CEP128: variants seen among roughly 807,000 people sequenced by gnomAD.
CEP128 encodes the protein centrosomal protein 128.
CEP128 carries 132 observed loss-of-function variants against 156.7 expected under a neutral mutation model. The observed-to-expected ratio is 0.84, with a 90% CI of 0.73 to 0.97. CEP128 has a LOEUF of 0.97. Ranked by LOEUF, CEP128 falls within the 50% of genes least tolerant of loss-of-function variation. The pLI is 0.00. For synonymous variants in CEP128, 469 were observed against 448.9 expected, an observed-to-expected ratio of 1.04 and a Z score of -0.57; for missense variants, 1,252 against 1,281.9, an observed-to-expected ratio of 0.98 and a Z score of 0.36.
At chr14:80,822,906 T>C (rs1885267320) in intron 13 of CEP128, 4 of 528,918 alleles carry the variant, frequency 7.6e-6, no homozygotes, top group Non-Finnish European at 1.4e-5. Context: ...TTTTAAGCTA[T>C]GTTGTTAGCA....
chr14:80,947,152 T>C (rs1381394560), intron 2 of CEP128, among the ~76,000 whole-genome samples: 1 of 152,188 alleles, frequency 6.6e-6, no homozygotes, highest in Admixed American at 6.5e-5. Flanking sequence ...CTCAGGTGGT[T>C]CTTTATAGCA....
At chr14:80,740,200 A>ATT (rs1898739117) in intron 19 of CEP128, among the ~76,000 whole-genome samples, 1 of 151,904 alleles carries the variant, frequency 6.6e-6, no homozygotes, top group South Asian at 2.1e-4. Flanking sequence ...TTCAACAAAT[A>ATT]TTTCACACGT....
At chr14:80,549,098 T>A in intron 21 of CEP128, among the ~76,000 whole-genome samples, 1 of 152,118 alleles carries the variant, frequency 6.6e-6, no homozygotes, top group East Asian at 1.9e-4. Flanking sequence ...AATACTAACA[T>A]AGAATACAGG....
chr14:80,502,388 G>A (rs1481014772), intron 24 of CEP128, among the ~76,000 whole-genome samples: 1 of 152,162 alleles, frequency 6.6e-6, no homozygotes, highest in African/African-American at 2.4e-5. Flanking sequence ...TGTTTGTTGG[G>A]TGGGCCTGGC....
chr14:80,569,521 C>T (rs1021329581), intron 20 of CEP128, among the ~76,000 whole-genome samples: 5 of 152,160 alleles, frequency 3.3e-5, no homozygotes, highest in Admixed American at 1.3e-4. Context: ...AATGCTGATA[C>T]AGTGTGGTTG....
intron 23 of CEP128, 156 bp downstream of exon 23, chr14:80,526,713 T>G (rs1006459734): frequency 2.1e-6 from 1 of 482,052 alleles, no homozygotes; most frequent in Non-Finnish European, 3.7e-6. Context: ...ATTTTTATTC[T>G]CCATTTCCAC....
intron 19 of CEP128, among the ~76,000 whole-genome samples, chr14:80,615,460 C>T (rs754577859): frequency 2.6e-5 from 4 of 152,072 alleles, no homozygotes; most frequent in African/African-American, 9.7e-5. Flanking sequence ...AGTGAACATG[C>T]GAAAAGGATT....
intron 2 of CEP128, among the ~76,000 whole-genome samples, chr14:80,922,809 CTGCTAAATTTGAAGAAT>C (rs1481301915): frequency 6.6e-6 from 1 of 152,166 alleles, no homozygotes; most frequent in African/African-American, 2.4e-5. Flanking sequence ...AAAGGAAGAA[CTGCTAAATTTGAAGAAT>C]GACCAAACTC....
At chr14:80,828,998 A>C (rs1235999005) in intron 13 of CEP128, among the ~76,000 whole-genome samples, 1 of 152,210 alleles carries the variant, frequency 6.6e-6, no homozygotes, top group African/African-American at 2.4e-5. Flanking sequence ...CAATTGTTAG[A>C]GGTTACAATC....
chr14:80,572,928 T>C (rs937414862), intron 20 of CEP128, among the ~76,000 whole-genome samples: 1 of 152,130 alleles, frequency 6.6e-6, no homozygotes, highest in Non-Finnish European at 1.5e-5. Context: ...CACTGTTTTT[T>C]GTTTTTTGTT....
At chr14:80,626,283 T>C (rs1169420829) in intron 19 of CEP128, among the ~76,000 whole-genome samples, 1 of 148,940 alleles carries the variant, frequency 6.7e-6, no homozygotes, top group African/African-American at 2.5e-5. Context: ...GCTAACAAGG[T>C]GAAACCCCGT....
intron 19 of CEP128, among the ~76,000 whole-genome samples, chr14:80,737,132 G>A (rs895397725): frequency 4.6e-5 from 7 of 152,200 alleles, no homozygotes; most frequent in Non-Finnish European, 8.8e-5. Flanking sequence ...TAGGCTGGGT[G>A]CAGTGGCTCA....
In CEP128 at chr14:80,674,072, G is replaced by GTT. The variant is rs140431428; in HGVS notation, c.2806+69001_2806+69002dup. ...AGAGTTTCTTGCATAATAATTCATA[G>GTT]TTTTTTTTTTTCATTTGGGAAAATG... On this transcript the variant is annotated intron_variant, in intron 19 of 24. Transcript: ENST00000555265. Among the ~76,000 whole-genome samples, 654 of 148,346 alleles carry GTT rather than the reference G, an allele frequency of 4.4e-3. 2 individuals are homozygous for GTT. The highest frequency in any genetic ancestry group is 0.014 in the African/African-American group (576 of 40,604).
chr14:80,761,639 A>G, intron 16 of CEP128, 26 bp from the exon 17 acceptor site: 2 of 1,542,998 alleles, frequency 1.3e-6, no homozygotes, highest in Non-Finnish European at 1.8e-6. Flanking sequence ...AAATTAAACA[A>G]GGTGATTACT....
At chr14:80,480,850 A>G (rs926213750) in intron 14 of CEP128, among the ~76,000 whole-genome samples, 1 of 152,170 alleles carries the variant, frequency 6.6e-6, no homozygotes. Context: ...TTGCTGAAAC[A>G]TAACAAGCGT....
chr14:80,484,230 G>A (rs140629029), intron 14 of CEP128, among the ~76,000 whole-genome samples: 346 of 152,188 alleles, frequency 2.3e-3, no homozygotes, highest in African/African-American at 7.7e-3. Flanking sequence ...TGCCTGCCTC[G>A]GCCTCCCAAA....
intron 19 of CEP128, among the ~76,000 whole-genome samples, chr14:80,641,906 G>A (rs904408626): frequency 1.3e-5 from 2 of 151,790 alleles, no homozygotes; most frequent in African/African-American, 4.8e-5. Context: ...TGGCTAACGT[G>A]GTGAAACCCC....
At chr14:80,503,554 C>T (rs1271558537) in intron 24 of CEP128, among the ~76,000 whole-genome samples, 3 of 152,172 alleles carry the variant, frequency 2.0e-5, no homozygotes, top group Admixed American at 6.5e-5. Context: ...TCTGTTTTCA[C>T]ATTATGATGC....
intron 18 of CEP128, among the ~76,000 whole-genome samples, chr14:80,755,681 T>C (rs1441975440): frequency 6.6e-6 from 1 of 152,222 alleles, no homozygotes; most frequent in African/African-American, 2.4e-5. Flanking sequence ...TAGTTTTTTG[T>C]CCTCTGATTT....
Sources: gnomAD v4.1 joint callset for allele counts (sites outside exome capture counted in the v4.1 genomes callset) on GRCh38, gnomAD v4.1.1 for gene constraint, MANE v1.5 for transcripts, NCBI Gene and HGNC (gene_info 2026-07-23, HGNC 2026-07-21) for gene names.